SDK1: variants seen among roughly 807,000 people sequenced by gnomAD.
SDK1 encodes the protein protein sidekick-1.
Under a neutral mutation model 245.5 loss-of-function variants are expected in SDK1, and 157 were observed. The ratio of observed to expected loss-of-function variants is 0.64; its 90% CI spans 0.56 to 0.73. The LOEUF is 0.73. Among genes scored for constraint, SDK1 ranks in the 30% least tolerant of loss-of-function variants. The probability of loss-of-function intolerance (pLI) is 0.00; values close to 1 mark genes in which losing one functional copy is unlikely to be tolerated. For synonymous variants in SDK1, 1,647 were observed against 1,278.5 expected (o/e 1.29, Z -6.15); for missense variants, 3,583 against 3,002.3 (o/e 1.19, Z -4.52).
In SDK1 at chr7:3,892,229, A is replaced by G. The variant is rs185446375; in HGVS notation, c.848-58694A>G. On this transcript the variant is annotated intron_variant, in intron 5 of 44. Transcript: ENST00000404826. ...TGTATTAGCTTTTGCTGCAGTAACT[A>G]GCAATTCTCAAATCTCCATGGCTTC... Among the ~76,000 whole-genome samples, 315 of 152,322 alleles carry G rather than the reference A, an allele frequency of 2.1e-3. 2 individuals are homozygous for G. Among genetic ancestry groups the G allele is most frequent in the African/African-American group, 7.1e-3 (297 of 41,572 alleles).
In SDK1 at chr7:4,267,208, C is replaced by G. The variant is rs1461933441; in HGVS notation, c.*1824C>G. Reference sequence around the variant, plus strand: ...CCTTCCCCTCCTTCCTTTCCTTTACCCCTCCTTTCCTTCCTTCCTCCCTTC... The same window carrying G: ...CCTTCCCCTCCTTCCTTTCCTTTACGCCTCCTTTCCTTCCTTCCTCCCTTC... On this transcript the variant is annotated 3_prime_UTR_variant, in exon 45 of 45. Transcript: ENST00000404826. The G allele has an allele frequency of 2.2e-6, 2 of 921,594 alleles. No homozygotes were observed. Among genetic ancestry groups the G allele is most frequent in the African/African-American group, 1.8e-5 (1 of 55,352 alleles). The allele number at this position is 921,594 out of a possible 1,614,324, so 57.1% of individuals were successfully genotyped here. A position where few individuals can be genotyped will look rare whatever the true frequency, so the allele number is the denominator to read the frequency against.
intron 4 of SDK1, among the ~76,000 whole-genome samples, chr7:3,724,202 T>G (rs1157346745): frequency 6.6e-6 from 1 of 151,902 alleles, no homozygotes; most frequent in African/African-American, 2.4e-5. Flanking sequence ...TGACCTCAGG[T>G]GATCCACCCA....
chr7:3,711,826 G>A (rs754343072), intron 4 of SDK1, among the ~76,000 whole-genome samples: 15 of 152,144 alleles, frequency 9.9e-5, no homozygotes, highest in South Asian at 2.1e-4. Flanking sequence ...AGCTGGGGGC[G>A]TTGTGATCTT....
chr7:3,907,960 T>TTTG (rs138868300), intron 5 of SDK1, among the ~76,000 whole-genome samples: 118 of 152,254 alleles, frequency 7.8e-4, no homozygotes, highest in African/African-American at 2.6e-3. Context: ...AAGAGGGTTT[T>TTTG]TTGTTGTTGT....
Position 3,446,655 on chromosome 7 carries a change from G to A in SDK1, c.298+144771G>A, listed in dbSNP as rs184751043. On this transcript the variant is annotated intron_variant, in intron 1 of 44. Transcript: ENST00000404826. ...TTATAAAATAGCATTTGTAGAATAA[G>A]TTAATAATAATTTTAAGCAATACCT... is the stretch of plus-strand genomic sequence containing the variant. Among the ~76,000 whole-genome samples the A allele has an allele frequency of 4.2e-3, 645 of 152,228 alleles. 7 individuals carry two copies. Among genetic ancestry groups the A allele is most frequent in the South Asian group, 0.018 (87 of 4,824 alleles).
intron 1 of SDK1, among the ~76,000 whole-genome samples, chr7:3,544,129 C>T (rs996735478): frequency 2.0e-5 from 3 of 152,180 alleles, no homozygotes; most frequent in Non-Finnish European, 2.9e-5. Flanking sequence ...GGCCTTATAG[C>T]ATCAATTTCA....
At chr7:3,846,705 T>C (rs756461644) in intron 5 of SDK1, among the ~76,000 whole-genome samples, 2 of 152,234 alleles carry the variant, frequency 1.3e-5, no homozygotes, top group Non-Finnish European at 2.9e-5. Flanking sequence ...TCCACAAGCT[T>C]GGCTCTGTTC....
At chr7:3,390,978 A>T (rs975714412) in intron 1 of SDK1, among the ~76,000 whole-genome samples, 76 of 152,202 alleles carry the variant, frequency 5.0e-4, no homozygotes, top group African/African-American at 1.8e-3. Context: ...TCACTCTTCC[A>T]CAGAGCCAAT....
At position 3,411,771 on chromosome 7, in the gene SDK1, C is replaced by A. The variant is rs183370870; in HGVS notation, c.298+109887C>A. 1.2e-3 allele frequency among the ~76,000 whole-genome samples: 188 copies of A among 152,220 alleles called. 1 individual carries two copies. The highest frequency in any genetic ancestry group is 5.0e-4 in the Non-Finnish European group (34 of 68,020). On this transcript the variant is annotated intron_variant, in intron 1 of 44. Coordinates refer to ENST00000404826, the MANE Select transcript of SDK1 (RefSeq NM_152744.4). ...CACAATTGAAAAGCTGTTTTGACCACCACTTAAGAGCAATAGACTATAAAT... is the reference window on the plus strand; with the variant it reads ...CACAATTGAAAAGCTGTTTTGACCAACACTTAAGAGCAATAGACTATAAAT...
At chr7:3,544,603 A>G (rs562398584) in intron 1 of SDK1, among the ~76,000 whole-genome samples, 45 of 152,350 alleles carry the variant, frequency 3.0e-4, no homozygotes, top group Non-Finnish European at 4.9e-4. Flanking sequence ...CTACAAGTTC[A>G]ACATGAACGT....
intron 14 of SDK1, among the ~76,000 whole-genome samples, chr7:4,000,556 C>G (rs968215143): frequency 6.6e-6 from 1 of 152,140 alleles, no homozygotes; most frequent in Non-Finnish European, 1.5e-5. Flanking sequence ...ATGTAGGGAA[C>G]CCGTCAGCCG....
At chr7:3,512,484 G>A (rs1279520831) in intron 1 of SDK1, among the ~76,000 whole-genome samples, 2 of 152,200 alleles carry the variant, frequency 1.3e-5, no homozygotes, top group African/African-American at 4.8e-5. Context: ...TGAATACCAA[G>A]GAGTGTGGAT....
intron 5 of SDK1, among the ~76,000 whole-genome samples, chr7:3,864,857 C>T (rs1780782415): frequency 6.6e-6 from 1 of 152,146 alleles, no homozygotes; most frequent in Non-Finnish European, 1.5e-5. Context: ...TCACTAATAC[C>T]AGTAGTGACG....
chr7:3,478,139 A>ATTTTAATG (rs1397946359), intron 1 of SDK1, among the ~76,000 whole-genome samples: 6 of 152,106 alleles, frequency 3.9e-5, no homozygotes, highest in Non-Finnish European at 2.9e-5. Flanking sequence ...TTTGTAATAT[A>ATTTTAATG]TTTTAATGTT....
intron 1 of SDK1, among the ~76,000 whole-genome samples, chr7:3,523,954 C>T (rs1238997008): frequency 6.6e-6 from 1 of 152,110 alleles, no homozygotes; most frequent in Non-Finnish European, 1.5e-5. Context: ...GTACATTCTC[C>T]TTTGAGTCTG....
At chr7:3,695,596 A>C (rs1369107136) in intron 4 of SDK1, among the ~76,000 whole-genome samples, 2 of 152,222 alleles carry the variant, frequency 1.3e-5, no homozygotes, top group African/African-American at 4.8e-5. Flanking sequence ...TATTGGAGGT[A>C]CCATACTTTG....
At chr7:4,049,577 G>A in intron 18 of SDK1, 114 bp downstream of exon 18, 1 of 771,064 alleles carries the variant, frequency 1.3e-6, no homozygotes, top group Non-Finnish European at 2.2e-6. Flanking sequence ...TTAAGATACA[G>A]GGCGTCTTGA....
intron 4 of SDK1, among the ~76,000 whole-genome samples, chr7:3,700,446 A>C (rs1216265655): frequency 6.6e-6 from 1 of 152,202 alleles, no homozygotes; most frequent in Non-Finnish European, 1.5e-5. Context: ...GGACTTAAAG[A>C]ATGGTAAGGT....
At chr7:3,621,360 A>C (rs906106640) in intron 2 of SDK1, among the ~76,000 whole-genome samples, 13 of 152,184 alleles carry the variant, frequency 8.5e-5, no homozygotes, top group African/African-American at 3.1e-4. Flanking sequence ...AAAAATGAGT[A>C]CAGTAAGGCC....
Sources: gnomAD v4.1 joint callset for allele counts (sites outside exome capture counted in the v4.1 genomes callset) on GRCh38, gnomAD v4.1.1 for gene constraint, MANE v1.5 for transcripts, NCBI Gene and HGNC (gene_info 2026-07-23, HGNC 2026-07-21) for gene names.